The following ACAD10 variants were observed in gnomAD, a reference collection of about 807,000 sequenced individuals.
ACAD10 encodes the protein ACAD-10.
In ACAD10, 112 loss-of-function variants were observed where a neutral mutation model predicts 116.8. The observed-to-expected ratio is 0.96, with a 90% CI of 0.82 to 1.12. The LOEUF is 1.12. ACAD10 is among the 50% of genes most tolerant of loss of function. ACAD10 has a pLI of 0.00. For synonymous variants in ACAD10, 486 were observed against 510.6 expected (o/e 0.95, Z 0.65); for missense variants, 1,259 against 1,350.2 (o/e 0.93, Z 1.06).
chr12:111,725,214 A>G (rs1388249671), intron 8 of ACAD10, among the ~76,000 whole-genome samples: 1 of 152,098 alleles, frequency 6.6e-6, no homozygotes, highest in Non-Finnish European at 1.5e-5. Flanking sequence ...ATCTCTCAAG[A>G]ATAAAGACAT....
chr12:111,733,887 C>G, intron 10 of ACAD10, 36 bp from the exon 11 acceptor site: 2 of 1,613,452 alleles, frequency 1.2e-6, no homozygotes, highest in Non-Finnish European at 1.7e-6. Flanking sequence ...CGGCAGTTTT[C>G]TTAGTGCTGT....
At position 111,736,855 on chromosome 12, in the gene ACAD10, A is replaced by T. The variant is rs1937167889; in HGVS notation, c.1565A>T (p.Gln522Leu). ...GGTATTAATGACTGTGACTTGACAC[A>T]GCTGGGAATCCCTGCTGCAGAGGAG... ...LRGINDCDLT[Q>L]LGIPAAEEYF... is the part of the protein sequence containing the mutation. Residue 522 changes from glutamine (Q) to leucine (L), a missense_variant, in exon 12 of 21, where the codon CAG becomes CTG. Transcript: ENST00000313698. 1 of 1,613,964 alleles carries T rather than the reference A, an allele frequency of 6.2e-7. No homozygotes were observed. The highest frequency in any genetic ancestry group is 8.5e-7 in the Non-Finnish European group (1 of 1,179,902).
rs750344202 is a variant in ACAD10, at chr12:111,730,754, C to CT, written c.1394+814dup. 6.9e-3 allele frequency among the ~76,000 whole-genome samples: 930 copies of CT among 135,124 alleles called. 4 individuals carry two copies. The highest frequency in any genetic ancestry group is 0.019 in the African/African-American group (706 of 37,064). The allele number at this position is 135,124 out of a possible 152,430, so 88.6% of individuals were successfully genotyped here. On this transcript the variant is annotated intron_variant, in intron 10 of 20. Transcript: ENST00000313698. The stretch of plus-strand genomic sequence containing the variant: ...GCTAATTTTAAAGACATTTCCGTTT[C>CT]TTTTTTTTTTTTTTTTAGACATCGT...
intron 17 of ACAD10, 80 bp downstream of exon 17, chr12:111,748,555 T>C: frequency 6.5e-7 from 1 of 1,526,718 alleles, no homozygotes; most frequent in Admixed American, 1.8e-5. Flanking sequence ...CTGCTCTTGT[T>C]CAGGACTTGC....
intron 2 of ACAD10, among the ~76,000 whole-genome samples, chr12:111,693,976 T>A (rs1209841858): frequency 2.6e-5 from 4 of 152,170 alleles, no homozygotes; most frequent in Non-Finnish European, 4.4e-5. Flanking sequence ...TCTTACATTG[T>A]GGTCTGTCTT....
intron 13 of ACAD10, chr12:111,745,483 A>AC (rs1469750624): frequency 4.5e-6 from 1 of 224,468 alleles, no homozygotes; most frequent in Non-Finnish European, 8.6e-6. Flanking sequence ...AAACAGAAAC[A>AC]CCCGCTGTTC....
intron 1 of ACAD10, among the ~76,000 whole-genome samples, chr12:111,686,932 A>T (rs1887881326): frequency 6.6e-6 from 1 of 152,230 alleles, no homozygotes; most frequent in Non-Finnish European, 1.5e-5. Flanking sequence ...TTGAACTAGT[A>T]TAGTCATTGC....
chr12:111,686,777 G>A (rs1179335206), intron 1 of ACAD10, among the ~76,000 whole-genome samples: 1 of 152,136 alleles, frequency 6.6e-6, no homozygotes, highest in African/African-American at 2.4e-5. Context: ...CAGTTAGACC[G>A]GGGTCCTCCT....
At chr12:111,755,624 G>T (rs540672430) in intron 19 of ACAD10, 44 bp from the exon 20 acceptor site, 1 of 1,524,344 alleles carries the variant, frequency 6.6e-7, no homozygotes. Flanking sequence ...TGCCACCCAG[G>T]CTGCCCTCGG....
intron 5 of ACAD10, 117 bp downstream of exon 5, chr12:111,709,801 C>T: frequency 1.8e-6 from 2 of 1,137,486 alleles, no homozygotes; most frequent in Non-Finnish European, 2.4e-6. Context: ...CCTGTGTTTC[C>T]ATAGTCATCT....
intron 11 of ACAD10, among the ~76,000 whole-genome samples, chr12:111,735,095 G>A (rs900071419): frequency 4.6e-4 from 70 of 151,970 alleles, no homozygotes; most frequent in African/African-American, 1.6e-3. Context: ...GTGGTGGTGG[G>A]CACCTGTAGT....
At chr12:111,727,705 G>T (rs1889257241) in intron 8 of ACAD10, among the ~76,000 whole-genome samples, 1 of 152,100 alleles carries the variant, frequency 6.6e-6, no homozygotes, top group African/African-American at 2.4e-5. Context: ...GCATAGATGG[G>T]TGTGCATGTG....
At chr12:111,743,029 A>G (rs1889788901) in intron 12 of ACAD10, among the ~76,000 whole-genome samples, 1 of 152,148 alleles carries the variant, frequency 6.6e-6, no homozygotes, top group Non-Finnish European at 1.5e-5. Context: ...ATTTAAAAAA[A>G]GAAAATGGCT....
intron 12 of ACAD10, among the ~76,000 whole-genome samples, chr12:111,737,744 C>T (rs1023924567): frequency 2.0e-5 from 3 of 151,746 alleles, no homozygotes; most frequent in African/African-American, 2.4e-5. Flanking sequence ...GTGTATTTTT[C>T]GGTACTTTGA....
intron 2 of ACAD10, among the ~76,000 whole-genome samples, chr12:111,696,858 G>A (rs189424182): frequency 6.6e-6 from 1 of 152,128 alleles, no homozygotes; most frequent in African/African-American, 2.4e-5. Flanking sequence ...AAGGCAGGTG[G>A]ATCACGAGGT....
At chr12:111,724,586 C>G (rs1159806604) in intron 8 of ACAD10, among the ~76,000 whole-genome samples, 1 of 152,194 alleles carries the variant, frequency 6.6e-6, no homozygotes, top group African/African-American at 2.4e-5. Context: ...GCGGATCACT[C>G]GCGGTTAGGG....
intron 18 of ACAD10, chr12:111,749,571 C>T (rs555032187): frequency 2.4e-5 from 14 of 580,218 alleles, no homozygotes; most frequent in South Asian, 1.6e-4. Context: ...TGAAGGGAAA[C>T]GCCAGGCTCT....
intron 8 of ACAD10, among the ~76,000 whole-genome samples, chr12:111,723,803 G>A (rs1346271046): frequency 4.0e-5 from 6 of 150,712 alleles, no homozygotes; most frequent in African/African-American, 1.5e-4. Context: ...GGCGGCTGCC[G>A]GGCGGAGGGC....
intron 1 of ACAD10, among the ~76,000 whole-genome samples, chr12:111,692,222 C>T (rs1348899162): frequency 1.3e-5 from 2 of 152,194 alleles, no homozygotes; most frequent in Non-Finnish European, 2.9e-5. Flanking sequence ...CCCGCCTTGG[C>T]CTCCCATAGT....
Sources: allele counts gnomAD v4.1 joint callset (sites outside exome capture counted in the v4.1 genomes callset), GRCh38; gene constraint gnomAD v4.1.1; transcripts MANE v1.5; gene names NCBI Gene and HGNC (gene_info 2026-07-23, HGNC 2026-07-21).